MPHOSPH9: variants seen among roughly 807,000 people sequenced by gnomAD.
MPHOSPH9 encodes M-phase phosphoprotein 9.
A neutral mutation model predicts 145.5 loss-of-function variants in MPHOSPH9; 88 were observed. The observed-to-expected ratio is 0.60, with a 90% CI of 0.51 to 0.72. The LOEUF is 0.72. Ranked by LOEUF, MPHOSPH9 falls within the 30% of genes least tolerant of loss-of-function variation. MPHOSPH9 has a pLI of 0.00. For synonymous variants in MPHOSPH9, 435 were observed against 486.2 expected, an observed-to-expected ratio of 0.89 and a Z score of 1.39; for missense variants, 1,238 against 1,386.6, an observed-to-expected ratio of 0.89 and a Z score of 1.70.
intron 16 of MPHOSPH9, among the ~76,000 whole-genome samples, chr12:123,169,450 G>C (rs2044478594): frequency 6.6e-6 from 1 of 150,596 alleles, no homozygotes; most frequent in African/African-American, 2.4e-5. Context: ...AGTGAGCCGA[G>C]ATTGCACCAC....
intron 3 of MPHOSPH9, among the ~76,000 whole-genome samples, chr12:123,224,896 T>C (rs1403678827): frequency 6.6e-6 from 1 of 152,230 alleles, no homozygotes; most frequent in South Asian, 2.1e-4. Context: ...TATATTGATC[T>C]GTGTTCAGCT....
chr12:123,228,418 A>G (rs1008880342), intron 2 of MPHOSPH9, among the ~76,000 whole-genome samples: 10 of 152,214 alleles, frequency 6.6e-5, no homozygotes, highest in Non-Finnish European at 1.0e-4. Context: ...GGCCAGGCGC[A>G]GTGGCTCACG....
chr12:123,161,156 G>A lies in MPHOSPH9; in HGVS notation c.3361C>T (p.Leu1121Phe). The A allele has an allele frequency of 6.2e-7, 1 of 1,613,886 alleles. No individual in the cohort carries two copies. The highest frequency in any genetic ancestry group is 8.5e-7 in the Non-Finnish European group (1 of 1,179,944). Reference protein sequence around the residue: ...LAETERFFDELTKEKDQIEAA... With the variant: ...LAETERFFDEFTKEKDQIEAA... Reference sequence around the variant, plus strand: ...TTTACCTGGTCCTTTTCTTTTGTAAGTTCATCAAAAAATCGTTCTGTTTCA... The same window carrying A: ...TTTACCTGGTCCTTTTCTTTTGTAAATTCATCAAAAAATCGTTCTGTTTCA... Residue 1121 changes from leucine to phenylalanine, a missense_variant, in exon 22 of 24, where the codon CTT (leucine) becomes TTT (phenylalanine). Transcript: ENST00000606320.
chr12:123,221,973 T>C (rs1283434172), intron 4 of MPHOSPH9, 78 bp from the exon 5 acceptor site: 2 of 771,140 alleles, frequency 2.6e-6, no homozygotes, highest in South Asian at 1.9e-5. Context: ...AAGAATATCA[T>C]GTTTCAAAAT....
chr12:123,160,898 A>G, intron 22 of MPHOSPH9, 49 bp from the exon 23 acceptor site: 1 of 1,570,352 alleles, frequency 6.4e-7, no homozygotes, highest in Non-Finnish European at 8.7e-7. Flanking sequence ...AGGGAGGTTT[A>G]TCACACAGAA....
chr12:123,219,986 G>C (rs2047129671), intron 5 of MPHOSPH9, among the ~76,000 whole-genome samples: 1 of 152,066 alleles, frequency 6.6e-6, no homozygotes, highest in Admixed American at 6.6e-5. Context: ...AAACTCTCAG[G>C]AGTTCAAGAC....
At chr12:123,157,887 T>C (rs1478964933) in intron 23 of MPHOSPH9, among the ~76,000 whole-genome samples, 2 of 151,916 alleles carry the variant, frequency 1.3e-5, no homozygotes, top group East Asian at 3.8e-4. Context: ...ACACTTAGAA[T>C]ATAGAAAATT....
chr12:123,210,647 G>GT, intron 7 of MPHOSPH9, among the ~76,000 whole-genome samples: 2 of 152,058 alleles, frequency 1.3e-5, no homozygotes, highest in East Asian at 3.9e-4. Context: ...AGCTGAGATG[G>GT]TGCCACTGCA....
chr12:123,226,958 T>C (rs1229169514), intron 3 of MPHOSPH9, among the ~76,000 whole-genome samples: 1 of 152,156 alleles, frequency 6.6e-6, no homozygotes, highest in Admixed American at 6.6e-5. Context: ...CTTTTAACTG[T>C]TACATTTTTA....
At chr12:123,192,946 C>G (rs1443324069) in intron 13 of MPHOSPH9, among the ~76,000 whole-genome samples, 1 of 151,242 alleles carries the variant, frequency 6.6e-6, no homozygotes, top group Non-Finnish European at 1.5e-5. Context: ...GTGGCACGCG[C>G]CTGTACTCCC....
chr12:123,188,416 C>T (rs1023175546), intron 13 of MPHOSPH9, among the ~76,000 whole-genome samples: 7 of 151,190 alleles, frequency 4.6e-5, no homozygotes, highest in Middle Eastern at 3.4e-3. Flanking sequence ...ACTATTATAA[C>T]AGGCTATATT....
At chr12:123,174,947 G>A (rs1381372403) in intron 16 of MPHOSPH9, among the ~76,000 whole-genome samples, 3 of 151,878 alleles carry the variant, frequency 2.0e-5, no homozygotes, top group African/African-American at 4.8e-5. Flanking sequence ...AATCTCTCCC[G>A]AAGAGTCTCT....
intron 8 of MPHOSPH9, among the ~76,000 whole-genome samples, chr12:123,209,735 T>C (rs1489598689): frequency 9.6e-6 from 1 of 104,000 alleles, no homozygotes; most frequent in African/African-American, 2.6e-5. Flanking sequence ...TTTTGTTTTG[T>C]TGTTTTTTTT....
At chr12:123,174,547 T>C (rs1489644273) in intron 16 of MPHOSPH9, among the ~76,000 whole-genome samples, 1 of 151,924 alleles carries the variant, frequency 6.6e-6, no homozygotes, top group Non-Finnish European at 1.5e-5. Context: ...TAATTTTTTG[T>C]ATTTTTAGTA....
chr12:123,214,928 G>A (rs2046894874), intron 6 of MPHOSPH9, 94 bp from the exon 7 acceptor site: 2 of 1,021,074 alleles, frequency 2.0e-6, no homozygotes, highest in South Asian at 1.3e-5. Context: ...ACCAGGTGGG[G>A]AGAAACCTTC....
At chr12:123,174,244 G>C (rs2044724696) in intron 16 of MPHOSPH9, among the ~76,000 whole-genome samples, 2 of 152,082 alleles carry the variant, frequency 1.3e-5, no homozygotes, top group African/African-American at 4.8e-5. Flanking sequence ...GCGCTTTCTC[G>C]GGTTCCTTTG....
intron 13 of MPHOSPH9, among the ~76,000 whole-genome samples, chr12:123,186,559 T>A (rs1357025591): frequency 6.6e-6 from 1 of 152,156 alleles, no homozygotes; most frequent in Non-Finnish European, 1.5e-5. Flanking sequence ...CCTTCAAATC[T>A]GAAGAAAACA....
intron 8 of MPHOSPH9, among the ~76,000 whole-genome samples, chr12:123,207,053 T>TAA (rs201125578): frequency 3.7e-5 from 3 of 80,626 alleles, no homozygotes; most frequent in Non-Finnish European, 7.8e-5. Flanking sequence ...CTCTCTCTAA[T>TAA]AAAAAAAAAA....
intron 13 of MPHOSPH9, among the ~76,000 whole-genome samples, chr12:123,192,505 A>T (rs902738939): frequency 3.3e-5 from 5 of 151,204 alleles, no homozygotes; most frequent in African/African-American, 1.2e-4. Flanking sequence ...GCATGTGCCT[A>T]TGGTCCTAGC....
Sources: gnomAD v4.1 joint callset for allele counts (sites outside exome capture counted in the v4.1 genomes callset) on GRCh38, gnomAD v4.1.1 for gene constraint, MANE v1.5 for transcripts, NCBI Gene and HGNC (gene_info 2026-07-23, HGNC 2026-07-21) for gene names.